Variants in SRPK2 observed in about 807,000 individuals in gnomAD.
SRPK2 encodes SRSF protein kinase 2.
A neutral mutation model predicts 90.8 loss-of-function variants in SRPK2; 21 were observed. That is an observed-to-expected ratio of 0.23 (90% CI 0.16 to 0.33). The LOEUF (loss-of-function observed/expected upper bound fraction) is 0.33, where lower values mean the gene tolerates loss of function less well. SRPK2 is among the 10% of genes least tolerant of loss of function. The pLI is 1.00. For synonymous variants in SRPK2, 288 were observed against 311.1 expected, an observed-to-expected ratio of 0.93 and a Z score of 0.78; for missense variants, 620 against 869.0, an observed-to-expected ratio of 0.71 and a Z score of 3.60.
Position 105,180,977 on chromosome 7 carries a change from A to T in SRPK2, c.230-11712T>A, listed in dbSNP as rs137882545. On this transcript the variant is annotated intron_variant, in intron 3 of 15. Transcript: ENST00000393651. ...GAAATATTTACAAACAAAGCATCTG[A>T]CAAAGGTATAATATCCAGAATCTAC... 2.2e-3 allele frequency among the ~76,000 whole-genome samples: 337 copies of T among 152,294 alleles called. 1 individual carries two copies. Among genetic ancestry groups the T allele is most frequent in the Middle Eastern group, 6.8e-3 (2 of 294 alleles).
chr7:105,376,032 C>T (rs1333629005), intron 2 of SRPK2, among the ~76,000 whole-genome samples: 2 of 119,524 alleles, frequency 1.7e-5, no homozygotes, highest in Non-Finnish European at 3.3e-5. Context: ...CTCTGTCTGC[C>T]ACCCAGGCTG....
At chr7:105,288,893 A>C (rs147025558) in intron 2 of SRPK2, among the ~76,000 whole-genome samples, 1 of 152,132 alleles carries the variant, frequency 6.6e-6, no homozygotes, top group Non-Finnish European at 1.5e-5. Flanking sequence ...AAGGGCTACC[A>C]CAATAAAGAG....
At chr7:105,196,730 T>C (rs1794962226) in intron 3 of SRPK2, among the ~76,000 whole-genome samples, 1 of 152,204 alleles carries the variant, frequency 6.6e-6, no homozygotes, top group South Asian at 2.1e-4. Context: ...AAAGCAGCTT[T>C]AAGGTTCTTT....
At chr7:105,360,329 T>C (rs1818286047) in intron 2 of SRPK2, among the ~76,000 whole-genome samples, 1 of 152,220 alleles carries the variant, frequency 6.6e-6, no homozygotes, top group South Asian at 2.1e-4. Context: ...CTTGACTCTC[T>C]ATCCAATTTG....
intron 2 of SRPK2, among the ~76,000 whole-genome samples, chr7:105,253,585 C>A (rs1029786312): frequency 2.6e-5 from 4 of 152,160 alleles, no homozygotes; most frequent in Admixed American, 2.6e-4. Context: ...TGTTTCATTT[C>A]ACCCTGATTT....
At chr7:105,241,468 C>A (rs1800809410) in intron 2 of SRPK2, among the ~76,000 whole-genome samples, 1 of 152,126 alleles carries the variant, frequency 6.6e-6, no homozygotes, top group African/African-American at 2.4e-5. Flanking sequence ...TACCATCCAC[C>A]CCTCTTCAGC....
intron 2 of SRPK2, among the ~76,000 whole-genome samples, chr7:105,227,162 T>TA (rs1329239969): frequency 1.3e-5 from 2 of 152,084 alleles, no homozygotes; most frequent in Admixed American, 6.5e-5. Context: ...AACTCAGTAA[T>TA]AAAAAAAGAC....
rs1309627334 is a variant in SRPK2, at chr7:105,170,997, GAA to G, written c.230-1734_230-1733del. 2.1e-3 allele frequency among the ~76,000 whole-genome samples: 241 copies of G among 114,430 alleles called. 20 individuals are homozygous for G. Among genetic ancestry groups the G allele is most frequent in the Admixed American group, 0.021 (219 of 10,484 alleles). 75.1% of individuals were successfully genotyped at this position (114,430 alleles called of 152,430 possible). A position where few individuals can be genotyped will look rare whatever the true frequency, so the allele number is the denominator to read the frequency against. On this transcript the variant is annotated intron_variant, in intron 3 of 15. Transcript: ENST00000393651. Reference sequence around the variant, plus strand: ...AGAAAGAGAAAGAAAGAAAGAAAGAGAAAGAAAGAAAGAAAGAGAGGAAGGAA... The same window carrying G: ...AGAAAGAGAAAGAAAGAAAGAAAGAGAGAAAGAAAGAAAGAGAGGAAGGAA...
intron 2 of SRPK2, among the ~76,000 whole-genome samples, chr7:105,217,947 T>C (rs927161391): frequency 1.3e-5 from 2 of 152,166 alleles, no homozygotes; most frequent in Non-Finnish European, 2.9e-5. Context: ...TGTGGAAAGG[T>C]ATACATGTTC....
At position 105,316,085 on chromosome 7, in the gene SRPK2, C is replaced by T. The variant is rs149391243; in HGVS notation, c.71+72563G>A. ...TGTCACCCAGCCTGGAGTGCAATGG[C>T]GCGATCTCGGCTCACTGCAACCTCC... On this transcript the variant is annotated intron_variant, in intron 2 of 15. Coordinates refer to ENST00000393651, the MANE Select transcript of SRPK2 (RefSeq NM_182692.3). Among the ~76,000 whole-genome samples, 424 of 144,254 alleles carry T rather than the reference C, an allele frequency of 2.9e-3. 10 individuals are homozygous for T. In the East Asian group the frequency reaches 0.055, roughly 19 times the overall value. The allele number at this position is 144,254 out of a possible 152,430, so 94.6% of individuals were successfully genotyped here.
At chr7:105,259,848 A>G (rs1232637735) in intron 2 of SRPK2, among the ~76,000 whole-genome samples, 1 of 152,126 alleles carries the variant, frequency 6.6e-6, no homozygotes, top group Non-Finnish European at 1.5e-5. Flanking sequence ...GAAAGCTGAA[A>G]CTGGATCCCT....
At chr7:105,171,401 C>CT (rs990212624) in intron 3 of SRPK2, among the ~76,000 whole-genome samples, 3 of 152,098 alleles carry the variant, frequency 2.0e-5, no homozygotes, top group African/African-American at 7.2e-5. Flanking sequence ...TATTTTACTA[C>CT]TTTTTTACTT....
chr7:105,344,901 C>G (rs117325850), intron 2 of SRPK2, among the ~76,000 whole-genome samples: 3 of 151,474 alleles, frequency 2.0e-5, no homozygotes, highest in Non-Finnish European at 4.4e-5. Context: ...CTTTGGAGGC[C>G]GAAGTGGGTG....
intron 2 of SRPK2, among the ~76,000 whole-genome samples, chr7:105,295,720 T>C (rs993729009): frequency 6.6e-6 from 1 of 152,198 alleles, no homozygotes; most frequent in Non-Finnish European, 1.5e-5. Flanking sequence ...TGAATGTACT[T>C]AATGCAACTG....
chr7:105,378,944 T>C (rs1476425878), intron 2 of SRPK2, among the ~76,000 whole-genome samples: 2 of 152,070 alleles, frequency 1.3e-5, no homozygotes, highest in East Asian at 3.9e-4. Flanking sequence ...AGTAGTTCAA[T>C]CAAAACTACA....
intron 2 of SRPK2, among the ~76,000 whole-genome samples, chr7:105,283,658 G>A (rs750421795): frequency 1.6e-4 from 24 of 152,138 alleles, no homozygotes; most frequent in Non-Finnish European, 3.4e-4. Flanking sequence ...TCTCTTTGAG[G>A]TGATGAAAAT....
chr7:105,347,482 T>C (rs917762776), intron 2 of SRPK2, among the ~76,000 whole-genome samples: 1 of 152,064 alleles, frequency 6.6e-6, no homozygotes, highest in Non-Finnish European at 1.5e-5. Context: ...AGCCACCATA[T>C]TGACCACAGA....
intron 7 of SRPK2, among the ~76,000 whole-genome samples, chr7:105,147,122 TTTCTC>T (rs537239420): frequency 6.6e-6 from 1 of 152,204 alleles, no homozygotes; most frequent in Non-Finnish European, 1.5e-5. Flanking sequence ...TTAACATTCT[TTTCTC>T]TAGCTTACTT....
In SRPK2 at chr7:105,388,785, A is replaced by G; in HGVS notation, c.16+6T>C. The G allele has an allele frequency of 6.7e-7, 1 of 1,500,156 alleles. No individual in the cohort carries two copies. The allele number at this position is 1,500,156 out of a possible 1,614,324, so 92.9% of individuals were successfully genotyped here. On this transcript the variant is annotated splice_donor_region_variant and intron_variant, in intron 1 of 15. Coordinates refer to ENST00000393651, the MANE Select transcript of SRPK2 (RefSeq NM_182692.3). ...GCGGGGAGAGGGCGCGCCGCGGGCC[A>G]CTCACCTTTCCGGGAGCTCATTCCG...
Sources: allele counts gnomAD v4.1 joint callset (sites outside exome capture counted in the v4.1 genomes callset), GRCh38; gene constraint gnomAD v4.1.1; transcripts MANE v1.5; gene names NCBI Gene and HGNC (gene_info 2026-07-23, HGNC 2026-07-21).